Variants in GATA4 observed in about 807,000 individuals in gnomAD.
GATA4 encodes the protein GATA binding protein 4, also known as transcription factor GATA-4.
GATA4 carries 7 observed loss-of-function variants against 37.9 expected under a neutral mutation model. That is an observed-to-expected ratio of 0.18 (90% CI 0.11 to 0.35). GATA4 has a LOEUF of 0.35. Among genes scored for constraint, GATA4 ranks in the 10% least tolerant of loss-of-function variants. The probability of loss-of-function intolerance (pLI) is 1.00; values close to 1 mark genes in which losing one functional copy is unlikely to be tolerated. For missense variants in GATA4, 647 were observed against 653.0 expected (o/e 0.99, Z 0.10); for synonymous variants, 372 against 292.6 (o/e 1.27, Z -2.77).
chr8:11,749,424 T>C lies in GATA4; in HGVS notation c.786+339T>C, dbSNP rs1257323126. ...CCAGTCCAGTGTTGACTGGAGTGTC[T>C]CCTCCACCCACACCAACCCTGCAAG... On this transcript the variant is annotated intron_variant, in intron 3 of 6. Coordinates refer to ENST00000532059, the MANE Select transcript of GATA4 (RefSeq NM_001308093.3). This position sits in a 1 kb window ranked among gnomAD's most constrained non-coding sequence, Gnocchi z 4.6. Among the ~76,000 whole-genome samples the C allele has an allele frequency of 3.9e-5, 6 of 152,078 alleles. No individual in the cohort carries two copies. The highest frequency in any genetic ancestry group is 1.4e-4 in the African/African-American group (6 of 41,380).
chr8:11,694,379 A>G lies in GATA4; in HGVS notation c.-729+1719A>G, dbSNP rs576913435. On this transcript the variant is annotated intron_variant, in intron 1 of 2. Transcript: ENST00000526974. Reference sequence around the variant, plus strand: ...GCCCCATTGAACCGTTGCCTGTTTCACTCAAGGCCTTCCTCTGTAAGGTCA... The same window carrying G: ...GCCCCATTGAACCGTTGCCTGTTTCGCTCAAGGCCTTCCTCTGTAAGGTCA... The G allele has an allele frequency of 2.9e-5, 15 of 524,678 alleles. No homozygotes were observed. In the South Asian group the frequency reaches 1.1e-3, roughly 38 times the overall value. The allele number at this position is 524,678 out of a possible 1,614,324, so 32.5% of individuals were successfully genotyped here.
At chr8:11,701,805 C>G (rs1799685538), upstream of GATA4, among the ~76,000 whole-genome samples, 1 of 149,290 alleles carries the variant, frequency 6.7e-6, no homozygotes, top group Non-Finnish European at 1.5e-5. Flanking sequence ...TCCCAGGTTT[C>G]AGTCCACTAG....
At chr8:11,694,541 C>A in intron 1 of GATA4, 1 of 983,602 alleles carries the variant, frequency 1.0e-6, no homozygotes, top group South Asian at 4.7e-5. Context: ...GCTTAATTAG[C>A]AAGCTCTCCC....
At chr8:11,731,581 C>T (rs1049554516) in intron 2 of GATA4, among the ~76,000 whole-genome samples, 8 of 152,072 alleles carry the variant, frequency 5.3e-5, no homozygotes, top group South Asian at 2.1e-4. Flanking sequence ...GGGCCAGGAT[C>T]GGGGTGCGGG....
At chr8:11,730,723 G>A (rs926552304) in intron 2 of GATA4, among the ~76,000 whole-genome samples, 4 of 152,244 alleles carry the variant, frequency 2.6e-5, no homozygotes, top group Non-Finnish European at 5.9e-5. Context: ...CTGCTGCCCT[G>A]GCATTGTTTT....
chr8:11,740,376 A>G (rs1253565876), intron 2 of GATA4, among the ~76,000 whole-genome samples: 1 of 152,246 alleles, frequency 6.6e-6, no homozygotes, highest in African/African-American at 2.4e-5. Context: ...CCCTCCCCTC[A>G]GAAGTGTCCC....
chr8:11,752,396 G>A (rs571489400), intron 4 of GATA4, among the ~76,000 whole-genome samples: 1 of 152,330 alleles, frequency 6.6e-6, no homozygotes, highest in African/African-American at 2.4e-5. Context: ...GGCGGAAGGT[G>A]AAAGGCACGT....
At position 11,725,197 on chromosome 8, in the gene GATA4, C is replaced by T. The variant is rs765907153; in HGVS notation, c.616+16269C>T. On this transcript the variant is annotated intron_variant, in intron 2 of 6. Coordinates refer to ENST00000532059, the MANE Select transcript of GATA4 (RefSeq NM_001308093.3). ...GGGATACCCTGTAGCAAATGGGATC[C>T]GGTCATGTGGCCCAGGCCAATGTCA... Among the ~76,000 whole-genome samples, 9 of 152,228 alleles carry T rather than the reference C, an allele frequency of 5.9e-5. No homozygotes were observed. In the South Asian group the frequency reaches 1.0e-3, roughly 18 times the overall value.
chr8:11,702,017 C>A (rs1247693099), upstream of GATA4, among the ~76,000 whole-genome samples: 1 of 152,200 alleles, frequency 6.6e-6, no homozygotes, highest in Non-Finnish European at 1.5e-5. This position sits in a 1 kb window ranked among gnomAD's most constrained non-coding sequence, Gnocchi z 4.4. Context: ...CCCCACCATC[C>A]ACAGCACAGC....
At chr8:11,690,460 C>T (rs143587022), upstream of GATA4, among the ~76,000 whole-genome samples, 8 of 152,070 alleles carry the variant, frequency 5.3e-5, no homozygotes, top group Non-Finnish European at 1.0e-4. Flanking sequence ...TATAGAGAGG[C>T]AGATGTATAG....
At chr8:11,746,573 C>T (rs1802043035) in intron 2 of GATA4, among the ~76,000 whole-genome samples, 1 of 152,218 alleles carries the variant, frequency 6.6e-6, no homozygotes, top group African/African-American at 2.4e-5. Flanking sequence ...CCGCCTCTTG[C>T]TGTGGAGTGG....
chr8:11,690,964 C>T (rs1438873878), upstream of GATA4, among the ~76,000 whole-genome samples: 1 of 152,166 alleles, frequency 6.6e-6, no homozygotes, highest in Non-Finnish European at 1.5e-5. Flanking sequence ...TGCAGTCAAC[C>T]TACTTGAATT....
chr8:11,684,075 G>T (rs2129943183), intron 1 of GATA4, among the ~76,000 whole-genome samples: 1 of 152,342 alleles, frequency 6.6e-6, no homozygotes, highest in Non-Finnish European at 1.5e-5. Flanking sequence ...ATAACTGGCT[G>T]GCCACGACCT....
chr8:11,697,660 G>T, intron 1 of GATA4: 1 of 985,476 alleles, frequency 1.0e-6, no homozygotes, highest in Non-Finnish European at 1.2e-6. Flanking sequence ...AGAGGACCCC[G>T]GGTCTTCGCG....
At chr8:11,676,970 C>T (rs1328738787) in exon 1 of GATA4, 1 of 152,132 alleles carries the variant, frequency 6.6e-6, no homozygotes, top group African/African-American at 2.4e-5. Flanking sequence ...CAACGTCTCC[C>T]TCCCACCCGG....
intron 2 of GATA4, among the ~76,000 whole-genome samples, chr8:11,746,462 T>C (rs1228829402): frequency 6.6e-6 from 1 of 152,164 alleles, no homozygotes; most frequent in Non-Finnish European, 1.5e-5. Context: ...TATGTCCAAG[T>C]GCGATTCAGG....
chr8:11,704,660 G>C (rs372923027), intron 1 of GATA4, among the ~76,000 whole-genome samples: 3 of 152,202 alleles, frequency 2.0e-5, no homozygotes, highest in Non-Finnish European at 2.9e-5. Flanking sequence ...TGAAGTTACC[G>C]GGACTGACGG....
In GATA4 at chr8:11,708,628, C is replaced by A; in HGVS notation, c.316C>A (p.Pro106Thr). 7.5e-7 allele frequency: 1 copy of A among 1,338,918 alleles called. No homozygotes were observed. Among genetic ancestry groups the A allele is most frequent in the Non-Finnish European group, 9.6e-7 (1 of 1,046,598 alleles). 82.9% of individuals were successfully genotyped at this position (1,338,918 alleles called of 1,614,324 possible). Residue 106 changes from proline (P) to threonine (T), a missense_variant, in exon 2 of 7, where the codon CCG becomes ACG. Pro to Thr is a conservative substitution (Grantham distance 38). This residue lies in a region of GATA4 where 379 missense variants were observed against 334.5 expected (regional missense o/e 1.13). Transcript: ENST00000532059. This position sits in a 1 kb window ranked among gnomAD's most constrained non-coding sequence, Gnocchi z 6.7. ...GAAYTPPPVS[P>T]RFSFPGTTGS... Reference sequence around the variant, plus strand: ...CGCTTACACCCCGCCGCCGGTGTCGCCGCGCTTCTCCTTCCCGGGGACCAC... The same window carrying A: ...CGCTTACACCCCGCCGCCGGTGTCGACGCGCTTCTCCTTCCCGGGGACCAC...
rs1800079977 is a variant in GATA4 at position 11,709,594 on chromosome 8, G to T, written c.616+666G>T. 6.8e-6 allele frequency among the ~76,000 whole-genome samples: 1 copy of T among 147,618 alleles called. No individual in the cohort carries two copies. Among genetic ancestry groups the T allele is most frequent in the Admixed American group, 6.9e-5 (1 of 14,538 alleles). ...GGGCAGCGGGGGGGGGGGCGCACACGCCCGGTCAGTGTCCGGGAACATAGG... is the reference window on the plus strand; with the variant it reads ...GGGCAGCGGGGGGGGGGGCGCACACTCCCGGTCAGTGTCCGGGAACATAGG... On this transcript the variant is annotated intron_variant, in intron 2 of 6. Coordinates refer to ENST00000532059, the MANE Select transcript of GATA4 (RefSeq NM_001308093.3). This position sits in a 1 kb window ranked among gnomAD's most constrained non-coding sequence, Gnocchi z 4.3.
Sources: allele counts gnomAD v4.1 joint callset (sites outside exome capture counted in the v4.1 genomes callset), GRCh38; gene constraint gnomAD v4.1.1; regional missense constraint gnomAD v4.1.1; non-coding constraint Gnocchi (gnomAD v3.1); transcripts MANE v1.5; gene names NCBI Gene and HGNC (gene_info 2026-07-23, HGNC 2026-07-21).